BRSK2: variants seen among roughly 807,000 people sequenced by gnomAD.
BRSK2 encodes the protein serine/threonine-protein kinase BRSK2.
Under a neutral mutation model 83.3 loss-of-function variants are expected in BRSK2, and 19 were observed. That is an observed-to-expected ratio of 0.23 (90% CI 0.16 to 0.33). The LOEUF (loss-of-function observed/expected upper bound fraction) is 0.33. BRSK2 is among the 10% of genes least tolerant of loss of function. The pLI is 1.00. For missense variants in BRSK2, 798 were observed against 1,042.3 expected (o/e 0.77, Z 3.23); for synonymous variants, 519 against 435.4 (o/e 1.19, Z -2.39).
At chr11:1,419,768 T>C (rs1848469439) in intron 1 of BRSK2, among the ~76,000 whole-genome samples, 1 of 152,138 alleles carries the variant, frequency 6.6e-6, no homozygotes, top group Admixed American at 6.5e-5. Flanking sequence ...AAATTAGCTG[T>C]GTGTGGTGGT....
At chr11:1,398,554 T>C (rs1288922259) in intron 1 of BRSK2, among the ~76,000 whole-genome samples, 2 of 152,138 alleles carry the variant, frequency 1.3e-5, no homozygotes, top group East Asian at 3.9e-4. Flanking sequence ...TGGGGGCTCA[T>C]TCAGCTGCCC....
At chr11:1,450,824 G>T in intron 14 of BRSK2, 30 bp downstream of exon 14, 4 of 1,560,468 alleles carry the variant, frequency 2.6e-6, no homozygotes, top group Non-Finnish European at 3.5e-6. Context: ...CGCCAGAGTG[G>T]GGCTGGGAGA....
intron 19 of BRSK2, among the ~76,000 whole-genome samples, chr11:1,460,049 C>T (rs142669094): frequency 6.1e-5 from 8 of 131,292 alleles, no homozygotes; most frequent in South Asian, 2.8e-4. Context: ...CTGTCATCTC[C>T]GGCGTTGGGG....
rs72843231 is a variant in BRSK2 at position 1,446,414 on chromosome 11, C to T, written c.1226+507C>T. On this transcript the variant is annotated intron_variant, in intron 12 of 19. Transcript: ENST00000528841. ...TGGGCTAAACTGGATTTGGCTGAGCCGAGCCAGGCTGGGCAGGGCTGAGCT... is the reference window on the plus strand; with the variant it reads ...TGGGCTAAACTGGATTTGGCTGAGCTGAGCCAGGCTGGGCAGGGCTGAGCT... 3.0e-3 allele frequency among the ~76,000 whole-genome samples: 410 copies of T among 137,598 alleles called. 3 individuals carry two copies. Among genetic ancestry groups the T allele is most frequent in the Middle Eastern group, 0.014 (3 of 222 alleles). The allele number at this position is 137,598 out of a possible 152,430, so 90.3% of individuals were successfully genotyped here. A position where few individuals can be genotyped will look rare whatever the true frequency, so the allele number is the denominator to read the frequency against.
intron 1 of BRSK2, among the ~76,000 whole-genome samples, chr11:1,426,459 G>A (rs1849237188): frequency 6.6e-6 from 1 of 152,164 alleles, no homozygotes; most frequent in Admixed American, 6.5e-5. Context: ...AGCACGCCGG[G>A]GAGGACACAT....
intron 19 of BRSK2, chr11:1,459,567 G>A: frequency 5.3e-6 from 2 of 375,654 alleles, no homozygotes; most frequent in South Asian, 3.2e-5. Flanking sequence ...TAGGGGAGGG[G>A]CCGGTGCCCA....
chr11:1,455,843 G>A (rs545831346), intron 16 of BRSK2, among the ~76,000 whole-genome samples: 113 of 152,066 alleles, frequency 7.4e-4, no homozygotes, highest in African/African-American at 2.4e-3. Context: ...CTGCCCCCTC[G>A]GTACTGTGAA....
intron 12 of BRSK2, 85 bp from the exon 13 acceptor site, chr11:1,449,691 G>A: frequency 8.1e-7 from 1 of 1,231,072 alleles, no homozygotes; most frequent in Non-Finnish European, 1.2e-6. Flanking sequence ...CCTCCTGGAG[G>A]GTTTACCTGG....
At chr11:1,395,564 T>G (rs1279133815) in intron 1 of BRSK2, among the ~76,000 whole-genome samples, 1 of 150,646 alleles carries the variant, frequency 6.6e-6, no homozygotes, top group African/African-American at 2.4e-5. Flanking sequence ...GGCGGGAGGG[T>G]CGTTGGAGGC....
In BRSK2 at chr11:1,438,883, G is replaced by A. The variant is rs1289975498; in HGVS notation, c.272+492G>A. On this transcript the variant is annotated intron_variant, in intron 3 of 19. Coordinates refer to ENST00000528841, the MANE Select transcript of BRSK2 (RefSeq NM_001256627.2). The surrounding 1 kb of genome is among the most constrained non-coding windows in gnomAD (Gnocchi z 6.4). ...TGAAAGTGTCACCTCCGCAGCCGCT[G>A]AGGCCAGCAGAAATCCCTACCCTGT... is the stretch of plus-strand genomic sequence containing the variant. 1.3e-5 allele frequency among the ~76,000 whole-genome samples: 2 copies of A among 152,186 alleles called. No individual in the cohort carries two copies. Among genetic ancestry groups the A allele is most frequent in the Non-Finnish European group, 1.5e-5 (1 of 68,028 alleles).
At chr11:1,449,469 C>T (rs534604603) in intron 12 of BRSK2, among the ~76,000 whole-genome samples, 9 of 152,326 alleles carry the variant, frequency 5.9e-5, no homozygotes, top group East Asian at 3.9e-4. Flanking sequence ...CTCGTCCTTC[C>T]GTCCACCCCC....
chr11:1,395,747 C>T (rs1441489712), intron 1 of BRSK2, among the ~76,000 whole-genome samples: 1 of 151,984 alleles, frequency 6.6e-6, no homozygotes, highest in Non-Finnish European at 1.5e-5. Flanking sequence ...TGGCCCTGCT[C>T]TGCTGAGGTG....
At chr11:1,398,096 G>A (rs1422141744) in intron 1 of BRSK2, among the ~76,000 whole-genome samples, 1 of 152,208 alleles carries the variant, frequency 6.6e-6, no homozygotes, top group Non-Finnish European at 1.5e-5. Flanking sequence ...GGGGGCACAG[G>A]GAGCCTGCCT....
chr11:1,407,090 G>T (rs889987210), intron 1 of BRSK2, among the ~76,000 whole-genome samples: 1 of 152,182 alleles, frequency 6.6e-6, no homozygotes, highest in East Asian at 1.9e-4. Context: ...CGACTTGGTA[G>T]CCATTCCCTG....
intron 1 of BRSK2, chr11:1,409,795 C>T (rs544159215): frequency 2.6e-5 from 4 of 152,064 alleles, no homozygotes; most frequent in Non-Finnish European, 5.9e-5. Flanking sequence ...GGGAGCCTGC[C>T]GGAGACACAG....
intron 1 of BRSK2, among the ~76,000 whole-genome samples, chr11:1,404,940 C>T (rs1846737788): frequency 6.6e-6 from 1 of 151,450 alleles, no homozygotes; most frequent in African/African-American, 2.4e-5. Flanking sequence ...CCCCTGTGTC[C>T]TGACACAAGG....
chr11:1,454,202 C>T lies in BRSK2; in HGVS notation c.1545-283C>T. 1 of 223,880 alleles carries T rather than the reference C, an allele frequency of 4.5e-6. No individual in the cohort carries two copies. The highest frequency in any genetic ancestry group is 7.7e-6 in the Non-Finnish European group (1 of 130,560). 13.9% of individuals were successfully genotyped at this position (223,880 alleles called of 1,614,324 possible). On this transcript the variant is annotated intron_variant, in intron 15 of 19. Coordinates refer to ENST00000528841, the MANE Select transcript of BRSK2 (RefSeq NM_001256627.2). This position sits in a 1 kb window ranked among gnomAD's most constrained non-coding sequence, Gnocchi z 5.2. ...GGGCTCACCTGTGGAGGGGCATCCC[C>T]AGACTTGGGAGTGGGTGGCATATGG...
chr11:1,444,838 C>T, intron 8 of BRSK2, 133 bp from the exon 9 acceptor site: 4 of 751,716 alleles, frequency 5.3e-6, no homozygotes, highest in Admixed American at 1.9e-5. Context: ...TCCCCACCTT[C>T]CCCCCACTCA....
At chr11:1,402,728 C>A (rs59399825) in intron 1 of BRSK2, among the ~76,000 whole-genome samples, 17 of 152,288 alleles carry the variant, frequency 1.1e-4, no homozygotes, top group African/African-American at 4.1e-4. Context: ...AGGCCCACAG[C>A]CCCTCACTCA....
Sources: allele counts gnomAD v4.1 joint callset (sites outside exome capture counted in the v4.1 genomes callset), GRCh38; gene constraint gnomAD v4.1.1; non-coding constraint Gnocchi (gnomAD v3.1); transcripts MANE v1.5; gene names NCBI Gene and HGNC (gene_info 2026-07-23, HGNC 2026-07-21).